GRIPAP1: variants seen among roughly 807,000 people sequenced by gnomAD.
GRIPAP1 encodes GRIP1-associated protein 1.
Under a neutral mutation model 84.1 loss-of-function variants are expected in GRIPAP1, and 14 were observed. The observed-to-expected ratio is 0.17, with a 90% CI of 0.11 to 0.26. The LOEUF is 0.26. Among genes scored for constraint, GRIPAP1 ranks in the 10% least tolerant of loss-of-function variants. GRIPAP1 has a pLI of 1.00. For missense variants in GRIPAP1, 518 were observed against 674.2 expected (o/e 0.77, Z 2.57); for synonymous variants, 261 against 256.8 (o/e 1.02, Z -0.15).
chrX:48,991,163 T>C (rs1557065430), intron 6 of GRIPAP1, 53 bp from the exon 7 acceptor site: 1 of 913,026 alleles, frequency 1.1e-6, no homozygotes, highest in East Asian at 3.1e-5. Context: ...TGAAGTCCCT[T>C]GCCATGCCTC....
intron 8 of GRIPAP1, 142 bp from the exon 9 acceptor site, chrX:48,990,145 G>C: frequency 2.0e-6 from 1 of 489,946 alleles, no homozygotes; most frequent in Non-Finnish European, 3.4e-6. Flanking sequence ...CCTCAAAATA[G>C]CCCTGACAAG....
rs1355410284 is a variant in GRIPAP1 at position 48,983,999 on chromosome X, A to G, written c.1177-129T>C. 9 of 505,600 alleles carry G rather than the reference A, an allele frequency of 1.8e-5. No homozygotes were observed. In the African/African-American group the frequency reaches 2.1e-4, roughly 12 times the overall value. The allele number at this position is 505,600 out of a possible 1,213,427, so 41.7% of individuals were successfully genotyped here. A position where few individuals can be genotyped will look rare whatever the true frequency, so the allele number is the denominator to read the frequency against. On this transcript the variant is annotated intron_variant, in intron 14 of 25. Transcript: ENST00000376423. ...GGTATTGTGATCTCAATTTCTGGAT[A>G]GGAAATATAGCAGAGACTGCTAGTT...
chrX:48,997,841 C>T (rs782609705), intron 4 of GRIPAP1: 89 of 334,190 alleles, frequency 2.7e-4, no homozygotes, highest in South Asian at 6.0e-4. Context: ...GAGAAATCAC[C>T]GAGACAGGAA....
intron 6 of GRIPAP1, 35 bp from the exon 7 acceptor site, chrX:48,991,145 G>A (rs781986390): frequency 1.5e-5 from 16 of 1,043,188 alleles, no homozygotes; most frequent in Non-Finnish European, 2.2e-5. Flanking sequence ...GATGGATGAG[G>A]TGGTCTCTGA....
chrX:48,989,525 C>T, intron 11 of GRIPAP1, 86 bp downstream of exon 11: 1 of 609,062 alleles, frequency 1.6e-6, no homozygotes, highest in South Asian at 2.7e-5. Context: ...CTCAGACTCC[C>T]CAGCCAGCCT....
chrX:48,993,394 A>G (rs373773173), intron 6 of GRIPAP1, 34 bp downstream of exon 6: 17 of 1,094,301 alleles, frequency 1.6e-5, no homozygotes, highest in African/African-American at 3.8e-5. Context: ...TCAAGCCCCA[A>G]TGTCTCCGCA....
At chrX:48,983,692 G>T in intron 15 of GRIPAP1, 83 bp downstream of exon 15, 1 of 642,924 alleles carries the variant, frequency 1.6e-6, no homozygotes, top group Non-Finnish European at 2.6e-6. Flanking sequence ...CCACATGTTT[G>T]GTTATATCAC....
In GRIPAP1 at chrX:48,976,038, T is replaced by A. The variant is rs2064420955; in HGVS notation, c.2258A>T (p.Tyr753Phe). The A allele has an allele frequency of 1.7e-5, 20 of 1,208,184 alleles. No individual in the cohort carries two copies. Among genetic ancestry groups the A allele is most frequent in the Non-Finnish European group, 2.2e-5 (20 of 893,851 alleles). The change falls in exon 24 of 26, where the codon TAC (tyrosine) becomes TTC (phenylalanine). Residue 753 changes from tyrosine (Y) to phenylalanine (F), a missense_variant. Physicochemically the swap from Tyr to Phe is conservative, Grantham distance 22 (BLOSUM62 3). This residue lies in a region of GRIPAP1 where 32 missense variants were observed against 82.4 expected (regional missense o/e 0.39). Transcript: ENST00000376423. ...CTGACCGATCCGGCTGTCCATGACGTAGGTCTCAATGATGGCGCTCTTCCG... is the reference window on the plus strand; with the variant it reads ...CTGACCGATCCGGCTGTCCATGACGAAGGTCTCAATGATGGCGCTCTTCCG... The part of the protein sequence containing the change: ...LCRKSAIIET[Y>F]VMDSRIDVSV...
At chrX:48,988,228 C>A in intron 11 of GRIPAP1, 30 bp from the exon 12 acceptor site, 1 of 1,062,311 alleles carries the variant, frequency 9.4e-7, no homozygotes, top group Non-Finnish European at 1.3e-6. Context: ...CCATTTTACA[C>A]CTCAGCCTCT....
intron 21 of GRIPAP1, among the ~76,000 whole-genome samples, chrX:48,978,906 A>C (rs782652967): frequency 4.1e-4 from 44 of 108,580 alleles, no homozygotes; most frequent in Non-Finnish European, 6.3e-4. Context: ...AAAAAAAAAA[A>C]AAAAAAAAAC....
chrX:48,981,128 G>T lies in GRIPAP1; in HGVS notation c.1930+87C>A. On this transcript the variant is annotated intron_variant, in intron 21 of 25. Transcript: ENST00000376423. Reference sequence around the variant, plus strand: ...GACAGAAGCAGGAAAGCACAGCTGAGGAAGATGCAGGACTAACCTGCAGCC... The same window carrying T: ...GACAGAAGCAGGAAAGCACAGCTGATGAAGATGCAGGACTAACCTGCAGCC... 3.2e-6 allele frequency: 2 copies of T among 630,843 alleles called. 1 individual carries two copies. Among genetic ancestry groups the T allele is most frequent in the Non-Finnish European group, 5.1e-6 (2 of 390,082 alleles). The allele number at this position is 630,843 out of a possible 1,213,427, so 52.0% of individuals were successfully genotyped here.
In GRIPAP1 at chrX:48,999,269, T is replaced by C. The variant is rs781828131; in HGVS notation, c.140A>G (p.Tyr47Cys). 9.1e-6 allele frequency: 11 copies of C among 1,208,783 alleles called. No individual in the cohort carries two copies. Among genetic ancestry groups the C allele is most frequent in the Non-Finnish European group, 1.2e-5 (11 of 893,004 alleles). Residue 47 changes from tyrosine (Y) to cysteine (C), a missense_variant, in exon 3 of 26, where the codon TAC becomes TGC. Coordinates refer to ENST00000376423, the MANE Select transcript of GRIPAP1 (RefSeq NM_020137.5). ...ELTSLRQKVA[Y>C]LDKEFSKAQK... ...AGCTTTGCTGAACTCCTTATCCAAG[T>C]AGGCGACCTTCTGTCGAAGACTGGT...
At chrX:48,993,011 G>A (rs782584047) in intron 6 of GRIPAP1, among the ~76,000 whole-genome samples, 98 of 110,307 alleles carry the variant, frequency 8.9e-4, no homozygotes, top group Non-Finnish European at 1.5e-3. Flanking sequence ...TAGTAGAGAC[G>A]GGGTTTCACC....
intron 22 of GRIPAP1, among the ~76,000 whole-genome samples, chrX:48,976,706 G>T (rs1195454593): frequency 1.2e-4 from 13 of 111,073 alleles, no homozygotes; most frequent in African/African-American, 4.3e-4. Context: ...CATACTTCCT[G>T]TGGGGTGACT....
chrX:48,974,831 T>C (rs1453758970), intron 25 of GRIPAP1, among the ~76,000 whole-genome samples: 1 of 111,525 alleles, frequency 9.0e-6, no homozygotes, highest in Non-Finnish European at 1.9e-5. Flanking sequence ...AAGAGAATGA[T>C]ATGTCAAGAA....
chrX:48,992,902 G>A (rs1242763690), intron 6 of GRIPAP1, among the ~76,000 whole-genome samples: 3 of 108,571 alleles, frequency 2.8e-5, no homozygotes, highest in African/African-American at 1.0e-4. Flanking sequence ...CTCACTGCAA[G>A]CTCCACCTCC....
rs782381264 is a variant in GRIPAP1, at chrX:48,989,721, T to C, written c.771-11A>G. On this transcript the variant is annotated splice_polypyrimidine_tract_variant and intron_variant, in intron 10 of 25. Coordinates refer to ENST00000376423, the MANE Select transcript of GRIPAP1 (RefSeq NM_020137.5). ...TCCTCAATCTTGTTCCTAGGAGTGATGGGGAGGGGGTGTGTTGGACATGGC... is the reference window on the plus strand; with the variant it reads ...TCCTCAATCTTGTTCCTAGGAGTGACGGGGAGGGGGTGTGTTGGACATGGC... 1.7e-6 allele frequency: 2 copies of C among 1,153,628 alleles called. No individual in the cohort carries two copies. The highest frequency in any genetic ancestry group is 2.4e-6 in the Non-Finnish European group (2 of 842,352).
At position 48,981,423 on chromosome X, in the gene GRIPAP1, C is replaced by G; in HGVS notation, c.1823G>C (p.Ser608Thr). The change falls in exon 20 of 26, where the codon AGT (serine) becomes ACT (threonine). Residue 608 changes from serine to threonine, a missense_variant. Around this residue, in one of 5 missense-constraint regions of GRIPAP1, gnomAD observed 18 missense variants for 44.8 expected, o/e 0.40. Coordinates refer to ENST00000376423, the MANE Select transcript of GRIPAP1 (RefSeq NM_020137.5). The stretch of plus-strand genomic sequence containing the variant: ...GGCACCGCTCTGTCTTACCGCAGCA[C>G]TGCCCTTCTTCTCCAGGATCCTCTG... The part of the protein sequence containing the change: ...DGQRILEKKG[S>T]AALKDLKRQL... 8.3e-7 allele frequency: 1 copy of G among 1,210,395 alleles called. No individual in the cohort carries two copies. Among genetic ancestry groups the G allele is most frequent in the East Asian group, 3.0e-5 (1 of 33,813 alleles).
Position 48,993,435 on chromosome X carries a change from G to A in GRIPAP1, c.450C>T (p.Asn150=), listed in dbSNP as rs201198663. 8.6e-5 allele frequency: 99 copies of A among 1,153,422 alleles called. No individual in the cohort carries two copies. The East Asian group carries it at 2.6e-3, about 31-fold the overall frequency. The change falls in exon 6 of 26, where the codon AAC becomes AAT. Residue 150 remains asparagine (N), a synonymous_variant. Transcript: ENST00000376423. ...AGGAGGGCCTCTATGCACCTGCCAC[G>A]TTCTTCTGCAAGGCTGTGTTTTCAG... ...LQAENTALQK[N]VAALQERYGK...
Sources: allele counts gnomAD v4.1 joint callset (sites outside exome capture counted in the v4.1 genomes callset), GRCh38; gene constraint gnomAD v4.1.1; regional missense constraint gnomAD v4.1.1; transcripts MANE v1.5; gene names NCBI Gene and HGNC (gene_info 2026-07-23, HGNC 2026-07-21).